Variants in DRC2 observed in about 807,000 individuals in gnomAD.
The protein encoded by DRC2 is dynein regulatory complex subunit 2.
the DRC2 span, among the ~76,000 whole-genome samples, chr12:48,915,591 A>G: frequency 6.6e-6 from 1 of 151,806 alleles, no homozygotes; most frequent in Admixed American, 6.6e-5. Context: ...CAAAGCCGCC[A>G]TTGTCATCCT....
At chr12:48,920,441 T>TTAAAAAAAA in the DRC2 span, among the ~76,000 whole-genome samples, 191 of 67,806 alleles carry the variant, frequency 2.8e-3, 5 homozygotes, top group East Asian at 5.2e-3. Context: ...AACTCCATCT[T>TTAAAAAAAA]AAAAAAAAAA....
chr12:48,904,950 A>T, the DRC2 span: 1 of 1,597,992 alleles, frequency 6.3e-7, no homozygotes, highest in African/African-American at 1.3e-5. Context: ...ACACAGGACA[A>T]GCTGGCCAAG....
chr12:48,918,875 T>G, the DRC2 span: 6 of 1,613,680 alleles, frequency 3.7e-6, no homozygotes, highest in Non-Finnish European at 4.2e-6. Flanking sequence ...AATGCCACCC[T>G]CAAGGCCCTG....
chr12:48,921,342 C>T, the DRC2 span: 1 of 1,614,186 alleles, frequency 6.2e-7, no homozygotes, highest in South Asian at 1.1e-5. Context: ...AGTGCTGAGC[C>T]AGCTCAACCC....
At chr12:48,908,508 A>G in the DRC2 span, among the ~76,000 whole-genome samples, 1 of 151,824 alleles carries the variant, frequency 6.6e-6, no homozygotes, top group Non-Finnish European at 1.5e-5. Flanking sequence ...ACTATTAGTA[A>G]TAGTTTCCTG....
At chr12:48,906,769 T>C in the DRC2 span, among the ~76,000 whole-genome samples, 5 of 151,304 alleles carry the variant, frequency 3.3e-5, no homozygotes, top group Non-Finnish European at 5.9e-5. Flanking sequence ...TTTCACCATG[T>C]TGGCCAGGCT....
chr12:48,918,874 C>T, the DRC2 span: 1 of 1,613,740 alleles, frequency 6.2e-7, no homozygotes, highest in African/African-American at 1.3e-5. Flanking sequence ...TAATGCCACC[C>T]TCAAGGCCCT....
chr12:48,912,764 C>T, the DRC2 span, among the ~76,000 whole-genome samples: 1 of 152,122 alleles, frequency 6.6e-6, no homozygotes, highest in African/African-American at 2.4e-5. Flanking sequence ...CTCAGTGAGG[C>T]ACTTCATGTT....
chr12:48,918,492 A>G, the DRC2 span: 12 of 1,610,706 alleles, frequency 7.5e-6, no homozygotes, highest in African/African-American at 5.4e-5. Flanking sequence ...GCCACCTGGA[A>G]ATACTCACTG....
chr12:48,912,799 C>T, the DRC2 span, among the ~76,000 whole-genome samples: 14 of 152,046 alleles, frequency 9.2e-5, no homozygotes, highest in African/African-American at 3.1e-4. Context: ...TCTGACATGA[C>T]CCTTTTGGTC....
chr12:48,904,232 G>A, the DRC2 span: 4 of 1,465,830 alleles, frequency 2.7e-6, no homozygotes, highest in Non-Finnish European at 2.7e-6. Context: ...CCACAACCAG[G>A]GGCACTTCTG....
the DRC2 span, among the ~76,000 whole-genome samples, chr12:48,911,848 A>G: frequency 6.6e-6 from 1 of 152,016 alleles, no homozygotes; most frequent in Non-Finnish European, 1.5e-5. Flanking sequence ...TTTCTATTCA[A>G]TTACTCAGAG....
chr12:48,921,344 G>A, the DRC2 span: 4 of 1,614,156 alleles, frequency 2.5e-6, no homozygotes, highest in Non-Finnish European at 3.4e-6. Context: ...TGCTGAGCCA[G>A]CTCAACCCAC....
At chr12:48,914,095 T>G in the DRC2 span, among the ~76,000 whole-genome samples, 3 of 152,046 alleles carry the variant, frequency 2.0e-5, no homozygotes, top group East Asian at 1.9e-4. Flanking sequence ...TTATGGGTTT[T>G]TTTGTTTGTT....
chr12:48,914,411 C>G, the DRC2 span: 5 of 1,608,126 alleles, frequency 3.1e-6, no homozygotes, highest in Non-Finnish European at 4.3e-6. Flanking sequence ...TAGTCTTTAG[C>G]TAAAGACCTG....
the DRC2 span, chr12:48,921,129 G>A: frequency 6.2e-7 from 1 of 1,611,100 alleles, no homozygotes; most frequent in Non-Finnish European, 8.5e-7. Context: ...TTGCTAATGG[G>A]TCTCGCTGCA....
At chr12:48,916,766 A>C in the DRC2 span, among the ~76,000 whole-genome samples, 1 of 152,124 alleles carries the variant, frequency 6.6e-6, no homozygotes, top group African/African-American at 2.4e-5. Context: ...TATCACATGA[A>C]TGTATTACCC....
At chr12:48,908,576 T>G in the DRC2 span, among the ~76,000 whole-genome samples, 60 of 86,900 alleles carry the variant, frequency 6.9e-4, no homozygotes, top group Admixed American at 5.3e-3. Flanking sequence ...CCAGGATTAT[T>G]ATTATTATTA....
At chr12:48,914,639 G>T in the DRC2 span, 1 of 1,507,298 alleles carries the variant, frequency 6.6e-7, no homozygotes, top group Non-Finnish European at 9.0e-7. Context: ...GTGTCAAGGA[G>T]TTGCCTGTAA....
Sources: allele counts gnomAD v4.1 joint callset (sites outside exome capture counted in the v4.1 genomes callset), GRCh38; gene constraint gnomAD v4.1.1; transcripts MANE v1.5; gene names NCBI Gene and HGNC (gene_info 2026-07-23, HGNC 2026-07-21).